The following RBPJ variants were observed in gnomAD, a reference collection of about 807,000 sequenced individuals.
The protein encoded by RBPJ is recombining binding protein suppressor of hairless.
In RBPJ, 9 loss-of-function variants were observed where a neutral mutation model predicts 67.8. That is an observed-to-expected ratio of 0.13 (90% CI 0.08 to 0.23). RBPJ has a LOEUF of 0.23. Ranked by LOEUF, RBPJ falls within the 10% of genes least tolerant of loss-of-function variation. RBPJ has a pLI of 1.00. For missense variants in RBPJ, 305 were observed against 595.6 expected (o/e 0.51, Z 5.08); for synonymous variants, 198 against 203.3 (o/e 0.97, Z 0.22).
chr4:26,429,334 T>C (rs1735988699), intron 8 of RBPJ, among the ~76,000 whole-genome samples: 1 of 152,236 alleles, frequency 6.6e-6, no homozygotes, highest in African/African-American at 2.4e-5. Context: ...GGTTATGACA[T>C]GGGCAGATGA....
chr4:26,132,126 G>A, the RBPJ span, among the ~76,000 whole-genome samples: 1 of 151,794 alleles, frequency 6.6e-6, no homozygotes, highest in Non-Finnish European at 1.5e-5. Context: ...CCTTCTGTGG[G>A]TGGCTGCCAA....
chr4:26,222,922 G>A (rs1304611244), intron 1 of RBPJ, among the ~76,000 whole-genome samples: 6 of 151,766 alleles, frequency 4.0e-5, no homozygotes, highest in Admixed American at 6.6e-5. Flanking sequence ...TTGGGAGGCC[G>A]AGGCGGGCGG....
At chr4:26,296,519 G>A (rs567187023) in intron 1 of RBPJ, among the ~76,000 whole-genome samples, 7 of 152,084 alleles carry the variant, frequency 4.6e-5, no homozygotes, top group Non-Finnish European at 8.8e-5. Context: ...TGATTTATTC[G>A]CCGCTCTATT....
At chr4:26,419,050 C>T (rs978533531) in intron 4 of RBPJ, among the ~76,000 whole-genome samples, 6 of 152,138 alleles carry the variant, frequency 3.9e-5, no homozygotes, top group African/African-American at 1.4e-4. Flanking sequence ...GGGATCACGG[C>T]CCATTACAAC....
rs776796147 is a variant in RBPJ at position 26,244,302 on chromosome 4, TAC to T, written c.-167+80692_-167+80693del. Among the ~76,000 whole-genome samples the T allele has an allele frequency of 6.0e-4, 89 of 148,622 alleles. 1 individual carries two copies. Among genetic ancestry groups the T allele is most frequent in the Non-Finnish European group, 9.9e-4 (66 of 66,918 alleles). The stretch of plus-strand genomic sequence containing the variant: ...GTGTGTATATGTATACACATATGTG[TAC>T]ACATATGTGTGTATATGTATACACA... On this transcript the variant is annotated intron_variant, in intron 1 of 4. Transcript: ENST00000512351.
At chr4:26,144,864 C>G in the RBPJ span, among the ~76,000 whole-genome samples, 2,934 of 152,228 alleles carry the variant, frequency 0.019, 100 homozygotes, top group African/African-American at 0.067. Flanking sequence ...CCCTTCCCTC[C>G]CTGTGATTTC....
rs375637813 is a variant in RBPJ, at chr4:26,253,469, G to A, written c.-167+89855G>A. 2.1e-4 allele frequency among the ~76,000 whole-genome samples: 32 copies of A among 149,800 alleles called. No homozygotes were observed. The East Asian group carries it at 2.9e-3, about 14-fold the overall frequency. ...TGGGACTACAGGCGCCCGCCACTAC[G>A]CCCGGCTAATTTTTTGTATTTTTAG... On this transcript the variant is annotated intron_variant, in intron 1 of 4. Coordinates refer to the RBPJ transcript ENST00000512351.
the RBPJ span, among the ~76,000 whole-genome samples, chr4:26,131,121 C>T: frequency 7.3e-4 from 111 of 152,304 alleles, no homozygotes; most frequent in South Asian, 2.3e-3. Flanking sequence ...TTATCAGAAA[C>T]GCATCATTTA....
intron 1 of RBPJ, among the ~76,000 whole-genome samples, chr4:26,280,820 C>T (rs1427554891): frequency 6.6e-6 from 1 of 152,090 alleles, no homozygotes; most frequent in Non-Finnish European, 1.5e-5. Flanking sequence ...ATGTGCTATC[C>T]AGTTTATGCA....
At chr4:26,410,144 G>C (rs1004184709) in intron 3 of RBPJ, 1 of 409,336 alleles carries the variant, frequency 2.4e-6, no homozygotes, top group Non-Finnish European at 4.8e-6. Context: ...TGGTGGTGGA[G>C]TGCACAGTGG....
At chr4:26,412,704 A>G (rs1734163490) in intron 3 of RBPJ, among the ~76,000 whole-genome samples, 1 of 152,160 alleles carries the variant, frequency 6.6e-6, no homozygotes, top group South Asian at 2.1e-4. Flanking sequence ...CCAATTTACT[A>G]AGGAGTCTTA....
chr4:26,321,676 T>TC (rs1723088705), intron 1 of RBPJ: 1 of 153,094 alleles, frequency 6.5e-6, no homozygotes, highest in Non-Finnish European at 1.5e-5. Flanking sequence ...CTCCTGTGGG[T>TC]CCCCTCTCAC....
the RBPJ span, among the ~76,000 whole-genome samples, chr4:26,142,459 T>C: frequency 4.6e-5 from 7 of 152,110 alleles, no homozygotes; most frequent in Admixed American, 3.9e-4. Context: ...GAGAGGAAGG[T>C]GGCGGCTTAA....
In RBPJ at chr4:26,430,322, TA is replaced by T. The variant is rs200466767; in HGVS notation, c.1045-89del. ...AAAAAACATTTTAATTGCCCTTTTT[TA>T]AAAAAAACAAATGAAAGTTGAATGA... is the stretch of plus-strand genomic sequence containing the variant. On this transcript the variant is annotated intron_variant, in intron 9 of 10. Transcript: ENST00000355476. This position sits in a 1 kb window ranked among gnomAD's most constrained non-coding sequence, Gnocchi z 4.1. The T allele has an allele frequency of 3.6e-6, 4 of 1,108,498 alleles. No individual in the cohort carries two copies. Among genetic ancestry groups the T allele is most frequent in the Non-Finnish European group, 5.4e-6 (4 of 746,548 alleles). The allele number at this position is 1,108,498 out of a possible 1,614,324, so 68.7% of individuals were successfully genotyped here.
chr4:26,192,811 T>C (rs1717616268), intron 1 of RBPJ, among the ~76,000 whole-genome samples: 2 of 152,200 alleles, frequency 1.3e-5, no homozygotes, highest in South Asian at 4.1e-4. Flanking sequence ...ATAGGCAGGA[T>C]AACAGCCCTC....
intron 1 of RBPJ, among the ~76,000 whole-genome samples, chr4:26,380,456 T>TACTTA (rs1177477108): frequency 6.6e-6 from 1 of 152,214 alleles, no homozygotes; most frequent in Non-Finnish European, 1.5e-5. Flanking sequence ...AAAGTAGTCT[T>TACTTA]ACTTACTAAT....
At chr4:26,235,029 G>A (rs992593422) in intron 1 of RBPJ, among the ~76,000 whole-genome samples, 2 of 152,142 alleles carry the variant, frequency 1.3e-5, no homozygotes, top group South Asian at 2.1e-4. Context: ...CCTATCCACT[G>A]CTGAATAAAG....
At chr4:26,338,598 TAG>T (rs998965619) in intron 1 of RBPJ, among the ~76,000 whole-genome samples, 1 of 144,456 alleles carries the variant, frequency 6.9e-6, no homozygotes, top group African/African-American at 2.5e-5. Context: ...TTTTTTGAGA[TAG>T]AGTCTCACTC....
intron 1 of RBPJ, among the ~76,000 whole-genome samples, chr4:26,216,025 C>A (rs961869786): frequency 6.6e-6 from 1 of 152,156 alleles, no homozygotes; most frequent in South Asian, 2.1e-4. Flanking sequence ...CCCTCCCTAT[C>A]GCCAAAGACC....
Sources: allele counts gnomAD v4.1 joint callset (sites outside exome capture counted in the v4.1 genomes callset), GRCh38; gene constraint gnomAD v4.1.1; non-coding constraint Gnocchi (gnomAD v3.1); transcripts MANE v1.5; gene names NCBI Gene and HGNC (gene_info 2026-07-23, HGNC 2026-07-21).